Variants in COL24A1 observed in about 807,000 individuals in gnomAD.
The protein encoded by COL24A1 is collagen alpha-1(XXIV) chain.
A neutral mutation model predicts 253.9 loss-of-function variants in COL24A1; 224 were observed. The observed-to-expected ratio is 0.88, with a 90% confidence interval of 0.79 to 0.99. The LOEUF is 0.99. COL24A1 is among the 50% of genes least tolerant of loss of function. COL24A1 has a pLI of 0.00. For synonymous variants in COL24A1, 685 were observed against 673.7 expected, an observed-to-expected ratio of 1.02 and a Z score of -0.26; for missense variants, 2,131 against 2,068.5, an observed-to-expected ratio of 1.03 and a Z score of -0.59.
At chr1:86,053,333 A>G (rs537263825) in intron 10 of COL24A1, among the ~76,000 whole-genome samples, 1 of 152,108 alleles carries the variant, frequency 6.6e-6, no homozygotes, top group African/African-American at 2.4e-5. Context: ...GAACTCCAAC[A>G]TAGCCTGTAC....
chr1:86,017,011 A>T, intron 19 of COL24A1, 140 bp downstream of exon 19: 1 of 771,976 alleles, frequency 1.3e-6, no homozygotes, highest in Non-Finnish European at 2.0e-6. Flanking sequence ...AACAGAAAAA[A>T]TGTAGTCCAA....
At position 85,729,775 on chromosome 1, in the gene COL24A1, T is replaced by C. The variant is rs1278371831; in HGVS notation, c.*771A>G. The stretch of plus-strand genomic sequence containing the variant: ...TAAAACAAAAACAAAGAAATCTAAT[T>C]CTTTTGCGTACAAGCACAGGTTACA... On this transcript the variant is annotated 3_prime_UTR_variant, in exon 60 of 60. Coordinates refer to ENST00000370571, the MANE Select transcript of COL24A1 (RefSeq NM_152890.7). 4 of 152,578 alleles carry C rather than the reference T, an allele frequency of 2.6e-5. No individual in the cohort carries two copies. The highest frequency in any genetic ancestry group is 5.9e-5 in the Non-Finnish European group (4 of 68,032). 9.5% of individuals were successfully genotyped at this position (152,578 alleles called of 1,614,324 possible). A position where few individuals can be genotyped will look rare whatever the true frequency, so the allele number is the denominator to read the frequency against.
intron 20 of COL24A1, among the ~76,000 whole-genome samples, chr1:85,984,659 A>G (rs947987509): frequency 3.3e-5 from 5 of 151,794 alleles, no homozygotes; most frequent in African/African-American, 4.8e-5. Context: ...TCTCTACACT[A>G]TTTGTCTCTC....
Position 85,734,975 on chromosome 1 carries a change from A to G in COL24A1, c.4783-11T>C, listed in dbSNP as rs376371377. On this transcript the variant is annotated splice_polypyrimidine_tract_variant and intron_variant, in intron 58 of 59. Coordinates refer to ENST00000370571, the MANE Select transcript of COL24A1 (RefSeq NM_152890.7). ...AACTCCAAACTCCAACTAATGTCAT[A>G]GAAATGATATGCAGGTTATAACATG... The G allele has an allele frequency of 1.1e-5, 17 of 1,612,624 alleles. No homozygotes were observed. Among genetic ancestry groups the G allele is most frequent in the Middle Eastern group, 1.6e-4 (1 of 6,074 alleles).
intron 19 of COL24A1, among the ~76,000 whole-genome samples, chr1:86,008,659 ATTAAC>A: frequency 6.6e-6 from 1 of 152,230 alleles, no homozygotes; most frequent in Non-Finnish European, 1.5e-5. Flanking sequence ...AGCCATGAGA[ATTAAC>A]TTAAAGGTTT....
chr1:85,737,676 G>C (rs1664198449), intron 57 of COL24A1, among the ~76,000 whole-genome samples, 171 bp from the exon 58 acceptor site: 1 of 151,846 alleles, frequency 6.6e-6, no homozygotes, highest in East Asian at 1.9e-4. Flanking sequence ...TGATTCTCAT[G>C]CCTCAACCTC....
intron 20 of COL24A1, among the ~76,000 whole-genome samples, chr1:85,974,665 G>A (rs139330362): frequency 6.6e-6 from 1 of 152,178 alleles, no homozygotes; most frequent in East Asian, 1.9e-4. Context: ...GGCTTCCAAT[G>A]TTCTATTTAA....
chr1:86,009,395 AACATCAT>A (rs1696293425), intron 19 of COL24A1, among the ~76,000 whole-genome samples: 1 of 152,152 alleles, frequency 6.6e-6, no homozygotes, highest in South Asian at 2.1e-4. Flanking sequence ...TCATTGTGTG[AACATCAT>A]AGAGTATACT....
chr1:86,051,138 G>A (rs1309124720), intron 10 of COL24A1, among the ~76,000 whole-genome samples: 2 of 152,090 alleles, frequency 1.3e-5, no homozygotes, highest in Non-Finnish European at 2.9e-5. Flanking sequence ...TCTTTAAGTG[G>A]TCTAAATTTG....
intron 31 of COL24A1, 80 bp downstream of exon 31, chr1:85,895,778 C>T (rs1302079037): frequency 1.8e-6 from 2 of 1,137,374 alleles, no homozygotes; most frequent in African/African-American, 1.6e-5. Context: ...AAAAAATCCC[C>T]CAAACATTGT....
At chr1:85,900,948 T>C (rs1684226552) in intron 28 of COL24A1, among the ~76,000 whole-genome samples, 1 of 152,114 alleles carries the variant, frequency 6.6e-6, no homozygotes, top group Non-Finnish European at 1.5e-5. Flanking sequence ...CTTGGAACTA[T>C]AAAACTTCCA....
In COL24A1 at chr1:86,022,995, G is replaced by C. The variant is rs1697692264; in HGVS notation, c.2062C>G (p.Pro688Ala). ...CCAGCAGGTCCAATTGGTCCCACAG[G>C]GCCAACACTGCCCTGGAAAACAGTA... ...GFPGLRGSVG[P>A]VGPIGPAGIP... is the part of the protein sequence containing the mutation. Residue 688 changes from proline to alanine, a missense_variant, in exon 15 of 60, where the codon CCT becomes GCT. Coordinates refer to ENST00000370571, the MANE Select transcript of COL24A1 (RefSeq NM_152890.7). 1.9e-6 allele frequency: 3 copies of C among 1,612,550 alleles called. No individual in the cohort carries two copies. The East Asian group carries it at 6.7e-5, about 36-fold the overall frequency.
intron 17 of COL24A1, 95 bp downstream of exon 17, chr1:86,022,443 A>G (rs993175782): frequency 7.6e-7 from 1 of 1,322,478 alleles, no homozygotes; most frequent in Non-Finnish European, 1.1e-6. Flanking sequence ...TTGATACCAC[A>G]TTCTAACACA....
chr1:85,744,729 T>A lies in COL24A1; in HGVS notation c.4609A>T (p.Thr1537Ser). The A allele has an allele frequency of 1.2e-6, 2 of 1,609,674 alleles. No homozygotes were observed. Among genetic ancestry groups the A allele is most frequent in the African/African-American group, 2.7e-5 (2 of 73,490 alleles). The stretch of plus-strand genomic sequence containing the variant: ...CAGATTCGTGCTGGGTTATCTCGTG[T>A]GCCAAGAGGATTCTTGATGCTGTGC... Reference protein sequence around the residue: ...LLHSIKNPLGTRDNPARICKD... With the variant: ...LLHSIKNPLGSRDNPARICKD... The change falls in exon 57 of 60, where the codon ACA (threonine) becomes TCA (serine). Residue 1537 changes from threonine to serine, a missense_variant. Transcript: ENST00000370571.
chr1:86,014,186 A>G (rs1696791850), intron 19 of COL24A1, among the ~76,000 whole-genome samples: 1 of 152,220 alleles, frequency 6.6e-6, no homozygotes, highest in Admixed American at 6.5e-5. Context: ...TCAAGTTTTT[A>G]TACTGATTCG....
intron 19 of COL24A1, among the ~76,000 whole-genome samples, chr1:86,011,806 T>C (rs1396602754): frequency 6.6e-6 from 1 of 152,248 alleles, no homozygotes; most frequent in Non-Finnish European, 1.5e-5. Flanking sequence ...CTGACTTCTT[T>C]TGTGATCTTA....
At chr1:85,780,560 G>A (rs572168197) in intron 52 of COL24A1, among the ~76,000 whole-genome samples, 1 of 152,194 alleles carries the variant, frequency 6.6e-6, no homozygotes, top group African/African-American at 2.4e-5. Context: ...AAGAGCGCTG[G>A]TCTTGAAGAA....
chr1:85,779,548 C>T (rs1001979816), intron 52 of COL24A1, among the ~76,000 whole-genome samples: 6 of 152,038 alleles, frequency 3.9e-5, no homozygotes, highest in Non-Finnish European at 7.4e-5. Context: ...ATAATTGAGT[C>T]GCCAAATTAA....
chr1:86,131,892 G>T (rs1427852023), intron 2 of COL24A1, among the ~76,000 whole-genome samples: 1 of 152,158 alleles, frequency 6.6e-6, no homozygotes, highest in Non-Finnish European at 1.5e-5. Flanking sequence ...TGGGATGGCT[G>T]GATCAAATGG....
Sources: gnomAD v4.1 joint callset for allele counts (sites outside exome capture counted in the v4.1 genomes callset) on GRCh38, gnomAD v4.1.1 for gene constraint, MANE v1.5 for transcripts, NCBI Gene and HGNC (gene_info 2026-07-23, HGNC 2026-07-21) for gene names.